The following FGF1 variants were observed in gnomAD, a reference collection of about 807,000 sequenced individuals.
FGF1 encodes fibroblast growth factor 1.
Under a neutral mutation model 13.4 loss-of-function variants are expected in FGF1, and 9 were observed. The ratio of observed to expected loss-of-function variants is 0.67; its 90% confidence interval spans 0.40 to 1.17. The LOEUF (loss-of-function observed/expected upper bound fraction) is 1.17. FGF1 is among the 50% of genes most tolerant of loss of function. The pLI is 0.01. For missense variants in FGF1, 156 were observed against 192.7 expected (o/e 0.81, Z 1.13); for synonymous variants, 93 against 79.0 (o/e 1.18, Z -0.94).
intron 1 of FGF1, among the ~76,000 whole-genome samples, chr5:142,683,585 G>A (rs968582932): frequency 2.6e-5 from 4 of 152,164 alleles, no homozygotes; most frequent in African/African-American, 9.6e-5. Flanking sequence ...CTAGCACTTT[G>A]GGAGGCCGGT....
At chr5:142,620,286 T>C (rs187253141) in intron 1 of FGF1, among the ~76,000 whole-genome samples, 1,897 of 151,922 alleles carry the variant, frequency 0.012, 24 homozygotes, top group Non-Finnish European at 0.019. Context: ...GGCATGGTGG[T>C]GGGCGCCTGT....
upstream of FGF1, among the ~76,000 whole-genome samples, chr5:142,688,865 G>A (rs2152066108): frequency 6.6e-6 from 1 of 152,178 alleles, no homozygotes; most frequent in Admixed American, 6.5e-5. Flanking sequence ...TACAGAAAGT[G>A]GCTCTACACC....
intron 1 of FGF1, among the ~76,000 whole-genome samples, chr5:142,641,604 A>T (rs1439862632): frequency 6.6e-6 from 1 of 152,028 alleles, no homozygotes; most frequent in African/African-American, 2.4e-5. Context: ...GTAAAAACAT[A>T]TTGTAATGAA....
At chr5:142,654,649 T>C (rs1597344328) in intron 1 of FGF1, among the ~76,000 whole-genome samples, 1 of 152,234 alleles carries the variant, frequency 6.6e-6, no homozygotes, top group East Asian at 1.9e-4. Context: ...TGTCCTTTCC[T>C]TATCTGTCTT....
At chr5:142,610,835 G>T (rs986031075) in intron 2 of FGF1, among the ~76,000 whole-genome samples, 4 of 152,106 alleles carry the variant, frequency 2.6e-5, no homozygotes, top group Non-Finnish European at 5.9e-5. Context: ...TCTGCCCTAG[G>T]GTTATACCAC....
intron 2 of FGF1, among the ~76,000 whole-genome samples, chr5:142,691,572 G>T (rs1056163644): frequency 6.6e-6 from 1 of 152,084 alleles, no homozygotes; most frequent in African/African-American, 2.4e-5. Context: ...TCTTCTCACT[G>T]TTATATACTC....
In FGF1 at chr5:142,592,502, G is replaced by A. The variant is rs898588981; in HGVS notation, c.*2788C>T. The A allele has an allele frequency of 5.0e-6, 2 of 398,388 alleles. No individual in the cohort carries two copies. Among genetic ancestry groups the A allele is most frequent in the Non-Finnish European group, 4.4e-6 (1 of 225,914 alleles). The allele number at this position is 398,388 out of a possible 1,614,324, so 24.7% of individuals were successfully genotyped here. On this transcript the variant is annotated 3_prime_UTR_variant, in exon 4 of 4. Transcript: ENST00000337706. ...ACCATCACATTGCAAACGACCAAAA[G>A]CACATATGTTCATGATGCTTTGTTC...
intron 3 of FGF1, among the ~76,000 whole-genome samples, chr5:142,596,722 G>C (rs1277173909): frequency 6.7e-6 from 1 of 148,738 alleles, no homozygotes; most frequent in African/African-American, 2.6e-5. Context: ...TCTAGTCTGG[G>C]TGACAGAGCA....
intron 3 of FGF1, among the ~76,000 whole-genome samples, chr5:142,600,410 A>G (rs1172527094): frequency 2.6e-5 from 4 of 152,174 alleles, no homozygotes; most frequent in Admixed American, 2.0e-4. Flanking sequence ...TGAATGAATG[A>G]ATGGAATGGG....
intron 2 of FGF1, among the ~76,000 whole-genome samples, chr5:142,613,242 A>AT (rs944951316): frequency 2.6e-5 from 4 of 152,322 alleles, no homozygotes; most frequent in African/African-American, 7.2e-5. Context: ...GAAGGAAGAG[A>AT]TTTTTTTATA....
chr5:142,608,718 TAC>T (rs1024990221), intron 2 of FGF1, among the ~76,000 whole-genome samples: 10 of 146,850 alleles, frequency 6.8e-5, no homozygotes, highest in African/African-American at 2.2e-4. Flanking sequence ...CATATATATA[TAC>T]ACACACACAT....
Position 142,630,996 on chromosome 5 carries a change from C to A in FGF1, c.-34-16835G>T, listed in dbSNP as rs761287955. ...GGACAGAAGCCATGTTTATTCAACA[C>A]CTTCTGCGCAGCCCTCAAACGATGG... is the stretch of plus-strand genomic sequence containing the variant. On this transcript the variant is annotated intron_variant, in intron 1 of 3. Transcript: ENST00000337706. Among the ~76,000 whole-genome samples, 9 of 152,190 alleles carry A rather than the reference C, an allele frequency of 5.9e-5. 1 individual carries two copies. Among genetic ancestry groups the A allele is most frequent in the Admixed American group, 4.6e-4 (7 of 15,270 alleles).
At chr5:142,607,946 TC>T (rs1170400455) in intron 2 of FGF1, among the ~76,000 whole-genome samples, 2 of 152,232 alleles carry the variant, frequency 1.3e-5, no homozygotes, top group Non-Finnish European at 2.9e-5. Flanking sequence ...TTTGGTTTTC[TC>T]CTCTGCTCCC....
At chr5:142,685,769 C>T (rs531982239) in intron 1 of FGF1, 188 bp downstream of exon 1, 1 of 152,236 alleles carries the variant, frequency 6.6e-6, no homozygotes, top group East Asian at 1.9e-4. Context: ...CAAAGGTGAG[C>T]TTCTTGAGAT....
intron 1 of FGF1, among the ~76,000 whole-genome samples, chr5:142,663,362 C>T (rs1413809201): frequency 6.6e-6 from 1 of 152,082 alleles, no homozygotes; most frequent in Non-Finnish European, 1.5e-5. Flanking sequence ...GAAGTAAAAT[C>T]AGAAAAGGAG....
At chr5:142,666,277 A>C (rs6877262) in intron 1 of FGF1, among the ~76,000 whole-genome samples, 69,336 of 81,616 alleles carry the variant, frequency 0.85, 28,528 homozygotes, top group East Asian at 0.98. Flanking sequence ...AGGAGCATGT[A>C]ATACACACAC....
intron 1 of FGF1, among the ~76,000 whole-genome samples, chr5:142,676,733 C>T (rs555746209): frequency 1.3e-5 from 2 of 152,330 alleles, no homozygotes; most frequent in South Asian, 4.1e-4. Context: ...CTCTGCTTCA[C>T]ATGCCTTCAG....
chr5:142,614,104 G>A lies in FGF1; in HGVS notation c.24C>T (p.Thr8=), dbSNP rs1461312310. The part of the protein sequence containing the change: MAEGEIT[T]FTALTEKFNL... ...TAAACTTCTCGGTCAGGGCTGTGAAGGTGGTGATTTCCCCTTCAGCCATGG... is the reference window on the plus strand; with the variant it reads ...TAAACTTCTCGGTCAGGGCTGTGAAAGTGGTGATTTCCCCTTCAGCCATGG... Residue 8 remains threonine (T), a synonymous_variant, in exon 2 of 4, where the codon ACC becomes ACT. Transcript: ENST00000337706. The A allele has an allele frequency of 6.2e-7, 1 of 1,614,114 alleles. No individual in the cohort carries two copies. Among genetic ancestry groups the A allele is most frequent in the African/African-American group, 1.3e-5 (1 of 74,946 alleles).
At chr5:142,616,770 G>A (rs1026033308) in intron 1 of FGF1, among the ~76,000 whole-genome samples, 2 of 152,080 alleles carry the variant, frequency 1.3e-5, no homozygotes, top group African/African-American at 2.4e-5. Flanking sequence ...TTCCCAGTGT[G>A]GATATCTTTA....
Sources: allele counts gnomAD v4.1 joint callset (sites outside exome capture counted in the v4.1 genomes callset), GRCh38; gene constraint gnomAD v4.1.1; transcripts MANE v1.5; gene names NCBI Gene and HGNC (gene_info 2026-07-23, HGNC 2026-07-21).